Variants in CA8 observed in about 807,000 individuals in gnomAD.
CA8 encodes the protein carbonic anhydrase-related protein.
A neutral mutation model predicts 41.4 loss-of-function variants in CA8; 22 were observed. That is an observed-to-expected ratio of 0.53 (90% CI 0.38 to 0.76). CA8 has a LOEUF of 0.76. Ranked by LOEUF, CA8 falls within the 30% of genes least tolerant of loss-of-function variation. The pLI is 0.00. For synonymous variants in CA8, 121 were observed against 130.6 expected (o/e 0.93, Z 0.50); for missense variants, 270 against 352.8 (o/e 0.77, Z 1.88).
intron 8 of CA8, among the ~76,000 whole-genome samples, chr8:60,197,440 A>C (rs1806312953): frequency 1.3e-5 from 2 of 152,206 alleles, no homozygotes; most frequent in Admixed American, 1.3e-4. Context: ...ACAAAAAAAA[A>C]AATGTTAAGC....
At chr8:60,190,671 T>G (rs1311154452) in intron 8 of CA8, among the ~76,000 whole-genome samples, 2 of 150,164 alleles carry the variant, frequency 1.3e-5, no homozygotes, top group South Asian at 4.2e-4. Flanking sequence ...AGAATGCATA[T>G]ACTTTTGGAC....
chr8:60,190,189 G>A (rs10103558), intron 8 of CA8, among the ~76,000 whole-genome samples: 42,197 of 151,044 alleles, frequency 0.28, 6,113 homozygotes, highest in Middle Eastern at 0.41. Context: ...TATTTCTATG[G>A]CAGACCTATT....
At chr8:60,198,424 G>A (rs1806337967) in intron 8 of CA8, among the ~76,000 whole-genome samples, 1 of 152,146 alleles carries the variant, frequency 6.6e-6, no homozygotes, top group Non-Finnish European at 1.5e-5. Flanking sequence ...AATCATAGAA[G>A]TTGGTAATAT....
At chr8:60,210,542 T>C (rs575711756) in intron 7 of CA8, among the ~76,000 whole-genome samples, 5 of 152,006 alleles carry the variant, frequency 3.3e-5, no homozygotes, top group African/African-American at 1.2e-4. Flanking sequence ...AACACACTCA[T>C]ACATAGAGTT....
intron 3 of CA8, among the ~76,000 whole-genome samples, chr8:60,260,276 C>A (rs183285680): frequency 6.6e-6 from 1 of 152,278 alleles, no homozygotes; most frequent in East Asian, 1.9e-4. Context: ...AAATCCACCA[C>A]CCCTTCGACC....
chr8:60,218,200 G>A (rs1176691546), intron 7 of CA8, among the ~76,000 whole-genome samples: 1 of 152,114 alleles, frequency 6.6e-6, no homozygotes, highest in African/African-American at 2.4e-5. Context: ...ACCTGGCTTG[G>A]GGAAGGCCTT....
At chr8:60,271,229 C>G (rs1804061323) in intron 2 of CA8, among the ~76,000 whole-genome samples, 1 of 151,996 alleles carries the variant, frequency 6.6e-6, no homozygotes, top group African/African-American at 2.4e-5. Context: ...GTAGTCCCAG[C>G]TACCAGACAG....
intron 3 of CA8, among the ~76,000 whole-genome samples, chr8:60,254,673 T>C (rs548393951): frequency 6.6e-6 from 1 of 152,214 alleles, no homozygotes; most frequent in Non-Finnish European, 1.5e-5. Flanking sequence ...GTCACAGTCT[T>C]TGAAAAGTGA....
In CA8 at chr8:60,188,107, C is replaced by G. The variant is rs973201773; in HGVS notation, c.*1914G>C. The G allele has an allele frequency of 6.6e-6, 1 of 152,194 alleles. No homozygotes were observed. The highest frequency in any genetic ancestry group is 1.5e-5 in the Non-Finnish European group (1 of 68,046). The allele number at this position is 152,194 out of a possible 1,614,324, so 9.4% of individuals were successfully genotyped here. A position where few individuals can be genotyped will look rare whatever the true frequency, so the allele number is the denominator to read the frequency against. On this transcript the variant is annotated 3_prime_UTR_variant, in exon 9 of 9. Coordinates refer to ENST00000317995, the MANE Select transcript of CA8 (RefSeq NM_004056.6). ...ACACCATGATCTGAACCAAGTAGTT[C>G]ATTTCAGTCTTTTACTCAGAAAATA...
chr8:60,199,734 G>A (rs1806370370), intron 8 of CA8, among the ~76,000 whole-genome samples: 1 of 151,726 alleles, frequency 6.6e-6, no homozygotes, highest in African/African-American at 2.4e-5. Context: ...TCTAGTACTG[G>A]GCATTATCTA....
chr8:60,275,061 C>T lies in CA8; in HGVS notation c.292+4628G>A, dbSNP rs932617336. On this transcript the variant is annotated intron_variant, in intron 2 of 8. Transcript: ENST00000317995. ...AATAGTCTCCTGTCTGTGCCAACAA[C>T]CAGAAAGCTGGTGGCCAACTTGAGC... Among the ~76,000 whole-genome samples the T allele has an allele frequency of 5.9e-5, 9 of 152,304 alleles. No individual in the cohort carries two copies. In the South Asian group the frequency reaches 1.2e-3, roughly 21 times the overall value.
intron 8 of CA8, among the ~76,000 whole-genome samples, chr8:60,202,556 TA>T (rs1806465976): frequency 6.6e-6 from 1 of 152,174 alleles, no homozygotes; most frequent in Non-Finnish European, 1.5e-5. Context: ...GTATAAAATT[TA>T]AAAACTATTT....
intron 3 of CA8, among the ~76,000 whole-genome samples, chr8:60,263,716 T>C (rs949744352): frequency 2.6e-5 from 4 of 152,206 alleles, no homozygotes; most frequent in African/African-American, 9.6e-5. Context: ...TTCTTCCACA[T>C]GGAAACCCTC....
At chr8:60,234,132 T>C (rs1477782802) in intron 3 of CA8, among the ~76,000 whole-genome samples, 1 of 152,212 alleles carries the variant, frequency 6.6e-6, no homozygotes. Flanking sequence ...CTGCTGTGTT[T>C]TCTCTCAATG....
At position 60,202,263 on chromosome 8, in the gene CA8, A is replaced by G. The variant is rs185104141; in HGVS notation, c.*35+6487T>C. ...GAGATGGGGTTTCACCATGTTAGCC[A>G]GGATGCTCTTATCTCCTGACCTCAT... On this transcript the variant is annotated intron_variant, in intron 8 of 8. Coordinates refer to ENST00000317995, the MANE Select transcript of CA8 (RefSeq NM_004056.6). 8.1e-4 allele frequency among the ~76,000 whole-genome samples: 122 copies of G among 149,978 alleles called. 3 individuals are homozygous for G. The East Asian group carries it at 0.023, about 29-fold the overall frequency.
chr8:60,205,325 C>T (rs1806543012), intron 8 of CA8, among the ~76,000 whole-genome samples: 1 of 152,108 alleles, frequency 6.6e-6, no homozygotes, highest in South Asian at 2.1e-4. Context: ...ACAAGCGAGA[C>T]AGTCTTTGAG....
chr8:60,272,433 G>A (rs1444634423), intron 2 of CA8, among the ~76,000 whole-genome samples: 2 of 151,014 alleles, frequency 1.3e-5, no homozygotes, highest in African/African-American at 2.4e-5. Flanking sequence ...TCTGTGCAGA[G>A]TCCCTCATGA....
At chr8:60,208,517 T>A (rs1410301885) in intron 8 of CA8, 3 of 492,468 alleles carry the variant, frequency 6.1e-6, no homozygotes, top group Non-Finnish European at 1.1e-5. Context: ...AAACTTGGAA[T>A]TAAAGGCTAC....
chr8:60,232,143 A>G (rs1158225424), intron 4 of CA8, 141 bp downstream of exon 4: 2 of 690,902 alleles, frequency 2.9e-6, no homozygotes, highest in Admixed American at 2.2e-5. Flanking sequence ...CATAAGGATC[A>G]AGTTTTCTGT....
Sources: gnomAD v4.1 joint callset for allele counts (sites outside exome capture counted in the v4.1 genomes callset) on GRCh38, gnomAD v4.1.1 for gene constraint, MANE v1.5 for transcripts, NCBI Gene and HGNC (gene_info 2026-07-23, HGNC 2026-07-21) for gene names.